NCOA6: variants seen among roughly 807,000 people sequenced by gnomAD.
NCOA6 encodes the protein nuclear receptor coactivator 6, also known as NRC RAP250.
NCOA6 carries 49 observed loss-of-function variants against 171.4 expected under a neutral mutation model. The observed-to-expected ratio is 0.29, with a 90% CI of 0.23 to 0.36. The LOEUF (loss-of-function observed/expected upper bound fraction) is 0.36, where lower values mean the gene tolerates loss of function less well. Ranked by LOEUF, NCOA6 falls within the 10% of genes least tolerant of loss-of-function variation. The pLI, the probability that NCOA6 is intolerant of heterozygous loss-of-function variation, is 1.00. For missense variants in NCOA6, 2,248 were observed against 2,554.5 expected, an observed-to-expected ratio of 0.88 and a Z score of 2.59; for synonymous variants, 910 against 927.5, an observed-to-expected ratio of 0.98 and a Z score of 0.34.
chr20:34,721,265 A>AAAAAAC (rs1989302477), intron 14 of NCOA6, among the ~76,000 whole-genome samples: 1 of 142,438 alleles, frequency 7.0e-6, no homozygotes, highest in African/African-American at 2.6e-5. Context: ...AAAAAAAAAA[A>AAAAAAC]AACAACCCGC....
intron 1 of NCOA6, among the ~76,000 whole-genome samples, chr20:34,802,105 C>T (rs2078274954): frequency 6.6e-6 from 1 of 152,190 alleles, no homozygotes; most frequent in African/African-American, 2.4e-5. Context: ...ATGATAGACA[C>T]AGTGATAAAC....
At chr20:34,794,573 T>C (rs143694483) in intron 1 of NCOA6, among the ~76,000 whole-genome samples, 4 of 152,216 alleles carry the variant, frequency 2.6e-5, no homozygotes, top group African/African-American at 7.2e-5. Flanking sequence ...CTCCAAGATA[T>C]ATTTTTGAGA....
At chr20:34,815,118 G>A (rs2078790775) in intron 1 of NCOA6, among the ~76,000 whole-genome samples, 1 of 151,878 alleles carries the variant, frequency 6.6e-6, no homozygotes, top group African/African-American at 2.4e-5. Flanking sequence ...AGTGGCACAC[G>A]CCTGTAATCC....
chr20:34,782,777 C>T (rs1488609574), intron 2 of NCOA6, among the ~76,000 whole-genome samples: 1 of 152,202 alleles, frequency 6.6e-6, no homozygotes, highest in Non-Finnish European at 1.5e-5. Flanking sequence ...ACTCCCCCTA[C>T]TTCTGTCTTG....
At chr20:34,807,668 G>C (rs1053728991) in intron 1 of NCOA6, among the ~76,000 whole-genome samples, 1 of 151,920 alleles carries the variant, frequency 6.6e-6, no homozygotes, top group African/African-American at 2.4e-5. Flanking sequence ...TGGGACTACA[G>C]GTGCCTGCCA....
intron 1 of NCOA6, among the ~76,000 whole-genome samples, chr20:34,800,367 TA>T (rs2078218739): frequency 6.6e-6 from 1 of 152,088 alleles, no homozygotes; most frequent in Admixed American, 6.5e-5. Flanking sequence ...AATAAGTCCT[TA>T]CTTATTAATA....
At chr20:34,727,076 C>A (rs1235792884) in intron 14 of NCOA6, among the ~76,000 whole-genome samples, 183 bp downstream of exon 14, 1 of 152,214 alleles carries the variant, frequency 6.6e-6, no homozygotes, top group Non-Finnish European at 1.5e-5. Context: ...CTTGAGTACA[C>A]ACACAGAAAA....
intron 4 of NCOA6, among the ~76,000 whole-genome samples, chr20:34,774,892 T>C (rs2077259357): frequency 6.6e-6 from 1 of 152,230 alleles, no homozygotes; most frequent in Admixed American, 6.5e-5. Flanking sequence ...ATCAAATAAT[T>C]GCTCTATGAA....
At chr20:34,774,481 ATT>A (rs2077248827) in intron 4 of NCOA6, among the ~76,000 whole-genome samples, 1 of 152,258 alleles carries the variant, frequency 6.6e-6, no homozygotes, top group Non-Finnish European at 1.5e-5. Context: ...TTTCTAAATA[ATT>A]TGTTTGTTGG....
In NCOA6 at chr20:34,818,379, CAAAAA is replaced by C. The variant is rs201368811; in HGVS notation, c.-164+7088_-164+7092del. ...TATTTAAAAACAAAACAAAACAAAA[CAAAAA>C]AACCCTACCCAAAGAACACTGGGGG... On this transcript the variant is annotated intron_variant, in intron 1 of 14. Transcript: ENST00000359003. 2.6e-5 allele frequency among the ~76,000 whole-genome samples: 4 copies of C among 152,050 alleles called. No individual in the cohort carries two copies. The South Asian group carries it at 8.3e-4, about 32-fold the overall frequency.
chr20:34,798,572 G>T (rs1183591262), intron 1 of NCOA6, among the ~76,000 whole-genome samples: 1 of 152,170 alleles, frequency 6.6e-6, no homozygotes, highest in African/African-American at 2.4e-5. Flanking sequence ...TGGTGGGGTG[G>T]CCACAGGGGT....
At chr20:34,755,893 C>T (rs1421755938) in intron 7 of NCOA6, among the ~76,000 whole-genome samples, 2 of 152,094 alleles carry the variant, frequency 1.3e-5, no homozygotes, top group African/African-American at 4.8e-5. Context: ...TGCACCACCA[C>T]ACCCAGCTAA....
intron 6 of NCOA6, 80 bp from the exon 7 acceptor site, chr20:34,758,184 T>G (rs1338661350): frequency 4.9e-5 from 74 of 1,508,432 alleles, no homozygotes; most frequent in Non-Finnish European, 6.3e-5. Context: ...TAATTCTGGA[T>G]ATACAGAGCA....
chr20:34,747,037 C>T (rs1247708902), intron 9 of NCOA6, 109 bp from the exon 10 acceptor site: 7 of 1,103,632 alleles, frequency 6.3e-6, no homozygotes, highest in Non-Finnish European at 8.5e-6. Context: ...AAAATGTTTG[C>T]ATTACCATTA....
intron 7 of NCOA6, among the ~76,000 whole-genome samples, chr20:34,755,658 G>A (rs2076620629): frequency 6.6e-6 from 1 of 152,198 alleles, no homozygotes; most frequent in Non-Finnish European, 1.5e-5. Flanking sequence ...ACCTAGGTGA[G>A]CATATCATCT....
chr20:34,788,264 G>A (rs539506319), intron 2 of NCOA6, among the ~76,000 whole-genome samples: 3 of 152,090 alleles, frequency 2.0e-5, no homozygotes, highest in Admixed American at 6.6e-5. Context: ...GGGTTTCACC[G>A]TGTTGCCCAG....
intron 1 of NCOA6, among the ~76,000 whole-genome samples, chr20:34,802,376 C>T (rs112079307): frequency 6.6e-6 from 1 of 152,104 alleles, no homozygotes. Flanking sequence ...CCGAGGCAGT[C>T]GGATCACGAG....
rs558989884 is a variant in NCOA6, at chr20:34,750,442, T to C, written c.1753A>G (p.Met585Val). The change falls in exon 9 of 15, where the codon ATG becomes GTG. Residue 585 changes from methionine (M) to valine (V), a missense_variant. This residue lies in a region of NCOA6 where 987 missense variants were observed against 1,104.7 expected (regional missense o/e 0.89). Transcript: ENST00000359003. ...GPPNMMQPSLMGIHGNMNNQQ... is the reference protein window; with the variant it reads ...GPPNMMQPSLVGIHGNMNNQQ... ...TTGTTCATGTTGCCATGAATTCCCA[T>C]GAGGCTGGGCTGCATCATATTTGGC... 30 of 1,613,904 alleles carry C rather than the reference T, an allele frequency of 1.9e-5. No individual in the cohort carries two copies. The East Asian group carries it at 5.1e-4, about 28-fold the overall frequency.
At chr20:34,721,799 T>C (rs1989376049) in intron 14 of NCOA6, among the ~76,000 whole-genome samples, 1 of 152,132 alleles carries the variant, frequency 6.6e-6, no homozygotes, top group African/African-American at 2.4e-5. Flanking sequence ...CTCACGCCTG[T>C]AATCCCAGCA....
Sources: gnomAD v4.1 joint callset for allele counts (sites outside exome capture counted in the v4.1 genomes callset) on GRCh38, gnomAD v4.1.1 for gene constraint, gnomAD v4.1.1 regional missense constraint, MANE v1.5 for transcripts, NCBI Gene and HGNC (gene_info 2026-07-23, HGNC 2026-07-21) for gene names.